The following CES5A variants were observed in gnomAD, a reference collection of about 807,000 sequenced individuals.
The protein encoded by CES5A is carboxylesterase 5.
A neutral mutation model predicts 62.9 loss-of-function variants in CES5A; 67 were observed. The observed-to-expected ratio is 1.07, with a 90% CI of 0.88 to 1.31. The LOEUF (loss-of-function observed/expected upper bound fraction) is 1.31, where lower values mean the gene tolerates loss of function less well. CES5A is among the 50% of genes most tolerant of loss of function. The pLI, the probability that CES5A is intolerant of heterozygous loss-of-function variation, is 0.00. For missense variants in CES5A, 748 were observed against 708.5 expected, an observed-to-expected ratio of 1.06 and a Z score of -0.63; for synonymous variants, 296 against 280.8, an observed-to-expected ratio of 1.05 and a Z score of -0.54.
At chr16:55,902,209 C>T (rs1247261747) in intron 1 of CES5A, among the ~76,000 whole-genome samples, 1 of 152,154 alleles carries the variant, frequency 6.6e-6, no homozygotes, top group African/African-American at 2.4e-5. Flanking sequence ...GAAATGCGAA[C>T]ATTTACTCTA....
chr16:55,933,727 C>T (rs1392909708), intron 2 of CES5A, among the ~76,000 whole-genome samples: 1 of 152,108 alleles, frequency 6.6e-6, no homozygotes, highest in Non-Finnish European at 1.5e-5. Context: ...ACTGCTACTA[C>T]CCTGGTTCCA....
intron 2 of CES5A, among the ~76,000 whole-genome samples, chr16:55,944,705 T>C (rs537842081): frequency 2.6e-5 from 4 of 152,326 alleles, no homozygotes; most frequent in Non-Finnish European, 4.4e-5. Flanking sequence ...CTCCCAGGGA[T>C]TGGTCCTGCA....
intron 2 of CES5A, chr16:55,944,124 T>A (rs1161306471): frequency 1.4e-6 from 1 of 702,056 alleles, no homozygotes; most frequent in Non-Finnish European, 2.6e-6. Flanking sequence ...TCAAGGGATC[T>A]GACAACCTCT....
intron 1 of CES5A, among the ~76,000 whole-genome samples, chr16:55,896,920 C>T (rs1181963614): frequency 6.6e-6 from 1 of 152,184 alleles, no homozygotes; most frequent in African/African-American, 2.4e-5. Context: ...GAAGTCCATG[C>T]CTTTAACTCT....
intron 5 of CES5A, among the ~76,000 whole-genome samples, chr16:55,863,814 T>C (rs1457471061): frequency 1.1e-4 from 16 of 151,566 alleles, no homozygotes; most frequent in Non-Finnish European, 1.8e-4. Flanking sequence ...TGGAGTGCAC[T>C]GGCGTGATCT....
At chr16:55,906,595 T>G (rs187655379) in intron 1 of CES5A, among the ~76,000 whole-genome samples, 52 of 152,360 alleles carry the variant, frequency 3.4e-4, no homozygotes, top group African/African-American at 1.3e-3. Context: ...GTTTCTTCCT[T>G]TGAGGGAAGC....
At position 55,871,607 on chromosome 16, in the gene CES5A, C is replaced by T; in HGVS notation, c.417+18G>A. On this transcript the variant is annotated intron_variant, in intron 3 of 12. Transcript: ENST00000290567. Reference sequence around the variant, plus strand: ...GTCCTGCTAGCTAGAGCCCGAAGCACACAGCAGGCAGCCTTACGGGGAGCT... The same window carrying T: ...GTCCTGCTAGCTAGAGCCCGAAGCATACAGCAGGCAGCCTTACGGGGAGCT... 6.2e-7 allele frequency: 1 copy of T among 1,613,530 alleles called. No individual in the cohort carries two copies. Among genetic ancestry groups the T allele is most frequent in the Non-Finnish European group, 8.5e-7 (1 of 1,179,730 alleles).
At position 55,859,578 on chromosome 16, in the gene CES5A, T is replaced by C. The variant is rs759143712; in HGVS notation, c.1025A>G (p.Asn342Ser). The change falls in exon 8 of 13, where the codon AAT becomes AGT. Residue 342 changes from asparagine (N) to serine (S), a missense_variant. Physicochemically the swap from Asn to Ser is conservative, Grantham distance 46 (BLOSUM62 1). Transcript: ENST00000290567. ...FKAIPSIIGV[N>S]NHECGFLLPM... ...CAGCAGGAAGCCACACTCGTGGTTATTGACTCCGATGATGGAAGGAATTGC... is the reference window on the plus strand; with the variant it reads ...CAGCAGGAAGCCACACTCGTGGTTACTGACTCCGATGATGGAAGGAATTGC... 1.2e-6 allele frequency: 2 copies of C among 1,613,548 alleles called. No individual in the cohort carries two copies. The highest frequency in any genetic ancestry group is 1.7e-5 in the Admixed American group (1 of 59,940).
chr16:55,910,468 G>T (rs2034082223), intron 1 of CES5A, among the ~76,000 whole-genome samples: 1 of 152,128 alleles, frequency 6.6e-6, no homozygotes, highest in African/African-American at 2.4e-5. Context: ...TGTGCCACTT[G>T]CTCCCTGAGC....
intron 2 of CES5A, among the ~76,000 whole-genome samples, chr16:55,940,624 C>T (rs1305147522): frequency 6.6e-6 from 1 of 151,866 alleles, no homozygotes; most frequent in Admixed American, 6.6e-5. Context: ...AATAATTCTA[C>T]ACAATTTCTT....
At chr16:55,868,954 C>T (rs2033525900) in intron 4 of CES5A, among the ~76,000 whole-genome samples, 1 of 152,234 alleles carries the variant, frequency 6.6e-6, no homozygotes, top group Non-Finnish European at 1.5e-5. Context: ...AAGTGCACAG[C>T]CCCATGGCTG....
intron 2 of CES5A, among the ~76,000 whole-genome samples, chr16:55,937,168 C>T (rs1018558277): frequency 9.9e-5 from 15 of 152,070 alleles, no homozygotes; most frequent in Admixed American, 6.5e-5. Flanking sequence ...ACCTCAAGAT[C>T]TGTGCATTTT....
At chr16:55,900,069 C>T (rs543333141) in intron 1 of CES5A, among the ~76,000 whole-genome samples, 2 of 151,686 alleles carry the variant, frequency 1.3e-5, no homozygotes, top group African/African-American at 4.8e-5. Context: ...GGCAGCAGTG[C>T]AGATCCAGAC....
Position 55,859,669 on chromosome 16 carries a change from G to T in CES5A, c.934C>A (p.Arg312=). The change falls in exon 8 of 13, where the codon CGA becomes AGA. Residue 312 remains arginine (R), a synonymous_variant. Transcript: ENST00000290567. ...TLSQKTKSFT[R]VVDGAFFPNE... is the part of the protein sequence containing the mutation. ...GGAAAGAAAGCACCATCAACCACTC[G>T]AGTGAAAGACTTTGTTTTCTGTAAT... 2 of 1,609,014 alleles carry T rather than the reference G, an allele frequency of 1.2e-6. No homozygotes were observed. The highest frequency in any genetic ancestry group is 1.7e-6 in the Non-Finnish European group (2 of 1,178,338).
intron 8 of CES5A, among the ~76,000 whole-genome samples, chr16:55,857,780 T>A (rs535923232): frequency 3.9e-5 from 6 of 152,196 alleles, no homozygotes; most frequent in Non-Finnish European, 8.8e-5. Flanking sequence ...GGCTTTTTGA[T>A]GTATACCTGT....
intron 2 of CES5A, among the ~76,000 whole-genome samples, chr16:55,873,616 G>A (rs1323318014): frequency 6.6e-6 from 1 of 152,184 alleles, no homozygotes; most frequent in African/African-American, 2.4e-5. Flanking sequence ...AAGGGAGCTT[G>A]GAGAATCTGT....
At chr16:55,888,248 T>A (rs1167275912) in intron 1 of CES5A, among the ~76,000 whole-genome samples, 1 of 152,118 alleles carries the variant, frequency 6.6e-6, no homozygotes, top group Non-Finnish European at 1.5e-5. Flanking sequence ...GAGTACAGAT[T>A]CCCTTCATGT....
intron 1 of CES5A, among the ~76,000 whole-genome samples, chr16:55,907,578 A>G (rs1302559454): frequency 6.6e-6 from 1 of 152,242 alleles, no homozygotes; most frequent in Non-Finnish European, 1.5e-5. Flanking sequence ...TCAAAAAAGC[A>G]TGCAATCAAA....
At chr16:55,886,823 C>T (rs1214029245) in intron 1 of CES5A, among the ~76,000 whole-genome samples, 2 of 152,060 alleles carry the variant, frequency 1.3e-5, no homozygotes, top group African/African-American at 4.8e-5. Context: ...CACCTGAGGG[C>T]TCTTGCCTAA....
Sources: gnomAD v4.1 joint callset for allele counts (sites outside exome capture counted in the v4.1 genomes callset) on GRCh38, gnomAD v4.1.1 for gene constraint, MANE v1.5 for transcripts, NCBI Gene and HGNC (gene_info 2026-07-23, HGNC 2026-07-21) for gene names.